The following RNF152 variants were observed in gnomAD, a reference collection of about 807,000 sequenced individuals.
RNF152 encodes E3 ubiquitin-protein ligase RNF152.
In RNF152, 11 loss-of-function variants were observed where a neutral mutation model predicts 12.7. The ratio of observed to expected loss-of-function variants is 0.86; its 90% CI spans 0.54 to 1.43. RNF152 has a LOEUF of 1.43. RNF152 is among the 40% of genes most tolerant of loss of function. The probability of loss-of-function intolerance (pLI) is 0.00; values close to 1 mark genes in which losing one functional copy is unlikely to be tolerated. For missense variants in RNF152, 255 were observed against 274.8 expected (o/e 0.93, Z 0.51); for synonymous variants, 113 against 120.3 (o/e 0.94, Z 0.40).
chr18:61,868,277 C>T (rs1246237825), intron 1 of RNF152, among the ~76,000 whole-genome samples: 2 of 152,218 alleles, frequency 1.3e-5, no homozygotes, highest in Non-Finnish European at 2.9e-5. Flanking sequence ...CTCTTTTCCT[C>T]CTAGCTTATT....
At chr18:61,830,058 G>T (rs1195576601) in intron 1 of RNF152, among the ~76,000 whole-genome samples, 1 of 146,000 alleles carries the variant, frequency 6.8e-6, no homozygotes, top group Non-Finnish European at 1.5e-5. Flanking sequence ...GTCTCACTCT[G>T]TCGCCCAGGC....
At chr18:61,831,795 G>A (rs751463283) in intron 1 of RNF152, among the ~76,000 whole-genome samples, 1 of 152,032 alleles carries the variant, frequency 6.6e-6, no homozygotes, top group Non-Finnish European at 1.5e-5. Flanking sequence ...TTTAAAAAGT[G>A]TCCTGTCAAA....
rs115076343 is a variant in RNF152, at chr18:61,859,364, G to A, written c.-136+33431C>T. Among the ~76,000 whole-genome samples the A allele has an allele frequency of 5.5e-3, 834 of 152,306 alleles. 7 individuals are homozygous for A. The highest frequency in any genetic ancestry group is 0.019 in the African/African-American group (796 of 41,554). On this transcript the variant is annotated intron_variant, in intron 1 of 1. Coordinates refer to ENST00000312828, the MANE Select transcript of RNF152 (RefSeq NM_173557.3). ...AAACTTGACGTGCTTCAGAAACGTCGCATCAGTTTCACACACTGTTCCCAG... is the reference window on the plus strand; with the variant it reads ...AAACTTGACGTGCTTCAGAAACGTCACATCAGTTTCACACACTGTTCCCAG...
chr18:61,831,454 A>G (rs1257711056), intron 1 of RNF152, among the ~76,000 whole-genome samples: 2 of 152,186 alleles, frequency 1.3e-5, no homozygotes, highest in Non-Finnish European at 2.9e-5. Flanking sequence ...AATTTATTCA[A>G]TAACGCCAGG....
intron 1 of RNF152, among the ~76,000 whole-genome samples, chr18:61,842,880 A>G (rs1282493010): frequency 1.3e-5 from 2 of 152,202 alleles, no homozygotes; most frequent in Non-Finnish European, 2.9e-5. Flanking sequence ...ACCCGCCCTC[A>G]TAATTCAATC....
Position 61,882,616 on chromosome 18 carries a change from G to C in RNF152, c.-136+10179C>G, listed in dbSNP as rs572251994. On this transcript the variant is annotated intron_variant, in intron 1 of 1. Transcript: ENST00000312828. ...CATTTGAGGCATCAGCTAAATACTA[G>C]AAGAACTGGTGGCTTGGCTAAGGGC... Among the ~76,000 whole-genome samples the C allele has an allele frequency of 3.9e-5, 6 of 152,310 alleles. No individual in the cohort carries two copies. The South Asian group carries it at 1.2e-3, about 32-fold the overall frequency.
At chr18:61,880,612 T>G (rs899065187) in intron 1 of RNF152, among the ~76,000 whole-genome samples, 2 of 152,062 alleles carry the variant, frequency 1.3e-5, no homozygotes, top group Non-Finnish European at 2.9e-5. Context: ...TCTCCCCCAC[T>G]CTCCCAAATT....
chr18:61,826,700 A>T (rs983866676), intron 1 of RNF152, among the ~76,000 whole-genome samples: 4 of 152,164 alleles, frequency 2.6e-5, no homozygotes, highest in Non-Finnish European at 5.9e-5. Context: ...TTGACCTCAG[A>T]TCTACATCAT....
chr18:61,881,305 C>T (rs951672397), intron 1 of RNF152, among the ~76,000 whole-genome samples: 1 of 152,150 alleles, frequency 6.6e-6, no homozygotes, highest in African/African-American at 2.4e-5. Context: ...GCGAACGACA[C>T]CAGTCACCTG....
intron 1 of RNF152, among the ~76,000 whole-genome samples, chr18:61,855,132 G>A (rs1911162382): frequency 6.6e-6 from 1 of 152,258 alleles, no homozygotes; most frequent in Non-Finnish European, 1.5e-5. Context: ...CCAGTGGGAA[G>A]AAGGATTTGA....
At chr18:61,830,920 A>G (rs1322178023) in intron 1 of RNF152, among the ~76,000 whole-genome samples, 4 of 152,206 alleles carry the variant, frequency 2.6e-5, no homozygotes, top group Admixed American at 6.5e-5. Context: ...GTACCTAGCA[A>G]AGTCCTGACT....
At chr18:61,874,880 A>C (rs1348626832) in intron 1 of RNF152, 5 of 152,148 alleles carry the variant, frequency 3.3e-5, no homozygotes, top group Non-Finnish European at 7.4e-5. Flanking sequence ...GTTTAGCTTT[A>C]TTGGGTACAG....
At chr18:61,892,014 G>A (rs113834567) in intron 1 of RNF152, among the ~76,000 whole-genome samples, 6,323 of 152,326 alleles carry the variant, frequency 0.042, 198 homozygotes, top group Middle Eastern at 0.061. Flanking sequence ...GTCCTGCTAA[G>A]TCTGAAGGTT....
At chr18:61,859,311 C>T (rs1911358330) in intron 1 of RNF152, among the ~76,000 whole-genome samples, 1 of 152,176 alleles carries the variant, frequency 6.6e-6, no homozygotes, top group Admixed American at 6.5e-5. Flanking sequence ...GGCAACAGAG[C>T]GTGAGAGGGC....
In RNF152 at chr18:61,814,655, C is replaced by A. The variant is rs1277049724; in HGVS notation, c.*1197G>T. On this transcript the variant is annotated 3_prime_UTR_variant, in exon 2 of 2. Coordinates refer to ENST00000312828, the MANE Select transcript of RNF152 (RefSeq NM_173557.3). The stretch of plus-strand genomic sequence containing the variant: ...CGTGTTAAAATACAGGAGATCTTCT[C>A]TCATATCAACAAGAGGAAACAGGAA... The A allele has an allele frequency of 6.6e-6, 1 of 152,180 alleles. No individual in the cohort carries two copies. Among genetic ancestry groups the A allele is most frequent in the Non-Finnish European group, 1.5e-5 (1 of 68,034 alleles). 9.4% of individuals were successfully genotyped at this position (152,180 alleles called of 1,614,324 possible).
chr18:61,838,283 G>A (rs1398379929), intron 1 of RNF152, among the ~76,000 whole-genome samples: 1 of 152,174 alleles, frequency 6.6e-6, no homozygotes, highest in East Asian at 1.9e-4. Flanking sequence ...GAATTAATAT[G>A]AAACACAAAC....
chr18:61,825,506 A>G (rs1909618794), intron 1 of RNF152, among the ~76,000 whole-genome samples: 1 of 152,196 alleles, frequency 6.6e-6, no homozygotes, highest in African/African-American at 2.4e-5. Context: ...CCTCTATTTG[A>G]TTAAACATCA....
chr18:61,888,397 T>C (rs1274506753), intron 1 of RNF152: 1 of 152,234 alleles, frequency 6.6e-6, no homozygotes, highest in Non-Finnish European at 1.5e-5. Context: ...CTTTGATTTT[T>C]TGACTTTACA....
intron 1 of RNF152, among the ~76,000 whole-genome samples, chr18:61,864,144 C>T (rs1303000092): frequency 1.3e-5 from 2 of 152,132 alleles, no homozygotes; most frequent in Non-Finnish European, 2.9e-5. Flanking sequence ...GAATTCAATT[C>T]CATTTTGACC....
Sources: allele counts gnomAD v4.1 joint callset (sites outside exome capture counted in the v4.1 genomes callset), GRCh38; gene constraint gnomAD v4.1.1; transcripts MANE v1.5; gene names NCBI Gene and HGNC (gene_info 2026-07-23, HGNC 2026-07-21).